ABLIM1: variants seen among roughly 807,000 people sequenced by gnomAD.
ABLIM1 encodes the protein actin-binding LIM protein 1.
A neutral mutation model predicts 107.0 loss-of-function variants in ABLIM1; 40 were observed. That is an observed-to-expected ratio of 0.37 (90% CI 0.29 to 0.49). The LOEUF is 0.49. Among genes scored for constraint, ABLIM1 ranks in the 20% least tolerant of loss-of-function variants. The pLI, the probability that ABLIM1 is intolerant of heterozygous loss-of-function variation, is 0.97. For missense variants in ABLIM1, 857 were observed against 1,008.5 expected, an observed-to-expected ratio of 0.85 and a Z score of 2.04; for synonymous variants, 357 against 357.3, an observed-to-expected ratio of 1.00 and a Z score of 0.01.
At position 114,555,012 on chromosome 10, in the gene ABLIM1, C is replaced by T. The variant is rs187724680; in HGVS notation, c.674-7236G>A. On this transcript the variant is annotated intron_variant, in intron 4 of 22. Transcript: ENST00000533213. ...TGCGTAATATGTGTAATTACCGAGC[C>T]GAATTTCAGGCACATACATGTAAAC... is the stretch of plus-strand genomic sequence containing the variant. Among the ~76,000 whole-genome samples, 19 of 152,220 alleles carry T rather than the reference C, an allele frequency of 1.2e-4. No individual in the cohort carries two copies. The East Asian group carries it at 1.7e-3, about 14-fold the overall frequency.
Sources: allele counts gnomAD v4.1 joint callset (sites outside exome capture counted in the v4.1 genomes callset), GRCh38; gene constraint gnomAD v4.1.1; transcripts MANE v1.5; gene names NCBI Gene and HGNC (gene_info 2026-07-23, HGNC 2026-07-21).